BCAT1: variants seen among roughly 807,000 people sequenced by gnomAD.
BCAT1 encodes branched-chain-amino-acid aminotransferase, cytosolic.
In BCAT1, 48 loss-of-function variants were observed where a neutral mutation model predicts 52.4. That is an observed-to-expected ratio of 0.92 (90% CI 0.73 to 1.16). BCAT1 has a LOEUF of 1.16. Ranked by LOEUF, BCAT1 falls within the 50% of genes most tolerant of loss-of-function variation. The pLI, the probability that BCAT1 is intolerant of heterozygous loss-of-function variation, is 0.00. For missense variants in BCAT1, 451 were observed against 457.1 expected (o/e 0.99, Z 0.12); for synonymous variants, 167 against 161.3 (o/e 1.04, Z -0.27).
At chr12:24,878,812 T>C (rs1007972401) in intron 4 of BCAT1, among the ~76,000 whole-genome samples, 163 bp from the exon 5 acceptor site, 10 of 152,244 alleles carry the variant, frequency 6.6e-5, no homozygotes, top group African/African-American at 2.4e-4. Context: ...CTAATTTTTA[T>C]TTATTTCTTT....
At chr12:24,882,767 T>C (rs1942539865) in intron 3 of BCAT1, among the ~76,000 whole-genome samples, 1 of 151,854 alleles carries the variant, frequency 6.6e-6, no homozygotes, top group African/African-American at 2.4e-5. Flanking sequence ...CCCAAGTTAA[T>C]TTTTTGTATT....
chr12:24,815,362 A>G lies in BCAT1; in HGVS notation c.*2646T>C, dbSNP rs1939839558. The stretch of plus-strand genomic sequence containing the variant: ...ATTAAACATTAAATAATTGCAGCCA[A>G]TTATGCAAATATCAGCAACAATATT... On this transcript the variant is annotated 3_prime_UTR_variant, in exon 11 of 11. Coordinates refer to ENST00000261192, the MANE Select transcript of BCAT1 (RefSeq NM_005504.7). The G allele has an allele frequency of 6.6e-6, 1 of 152,646 alleles. No individual in the cohort carries two copies. Among genetic ancestry groups the G allele is most frequent in the Admixed American group, 6.5e-5 (1 of 15,272 alleles). 9.5% of individuals were successfully genotyped at this position (152,646 alleles called of 1,614,324 possible). A position where few individuals can be genotyped will look rare whatever the true frequency, so the allele number is the denominator to read the frequency against.
intron 10 of BCAT1, among the ~76,000 whole-genome samples, chr12:24,818,944 G>A (rs1292986945): frequency 1.3e-5 from 2 of 152,046 alleles, no homozygotes; most frequent in African/African-American, 2.4e-5. Flanking sequence ...AATTAATGTA[G>A]GCCAATGTCA....
At chr12:24,819,356 T>C (rs10771127) in intron 10 of BCAT1, among the ~76,000 whole-genome samples, 111,588 of 152,126 alleles carry the variant, frequency 0.73, 41,035 homozygotes, top group East Asian at 0.87. Flanking sequence ...ATATAAAACA[T>C]CAGAATTTCT....
At chr12:24,826,902 T>G (rs1261011006) in intron 10 of BCAT1, among the ~76,000 whole-genome samples, 1 of 152,224 alleles carries the variant, frequency 6.6e-6, no homozygotes, top group Non-Finnish European at 1.5e-5. Flanking sequence ...GTGGCTATTA[T>G]AAATGGGATT....
chr12:24,863,678 C>A (rs1941917636), intron 5 of BCAT1, among the ~76,000 whole-genome samples: 1 of 152,182 alleles, frequency 6.6e-6, no homozygotes, highest in Non-Finnish European at 1.5e-5. Flanking sequence ...ACCTTTAATT[C>A]CAGCACTTTG....
chr12:24,925,744 C>T (rs1943568531), intron 1 of BCAT1, among the ~76,000 whole-genome samples: 1 of 152,214 alleles, frequency 6.6e-6, no homozygotes, highest in Non-Finnish European at 1.5e-5. Flanking sequence ...CGCGCGCCAC[C>T]ATGCCTGACT....
intron 7 of BCAT1, 124 bp from the exon 8 acceptor site, chr12:24,836,720 T>C (rs1195866714): frequency 6.8e-6 from 5 of 739,062 alleles, no homozygotes; most frequent in Middle Eastern, 2.7e-4. Context: ...AAAATTTTAC[T>C]GTTCTGCATG....
At chr12:24,818,157 T>C in intron 10 of BCAT1, 108 bp from the exon 11 acceptor site, 1 of 1,066,708 alleles carries the variant, frequency 9.4e-7, no homozygotes, top group African/African-American at 1.6e-5. Context: ...TCGCTTCTGC[T>C]TTGAACAACA....
At chr12:24,934,066 C>T (rs558380350) in intron 1 of BCAT1, among the ~76,000 whole-genome samples, 48 of 152,266 alleles carry the variant, frequency 3.2e-4, no homozygotes, top group African/African-American at 1.1e-3. Flanking sequence ...TAGTTTCTGC[C>T]GGCATTCACC....
chr12:24,835,904 A>C (rs1940901929), intron 8 of BCAT1, among the ~76,000 whole-genome samples: 1 of 152,152 alleles, frequency 6.6e-6, no homozygotes, highest in East Asian at 1.9e-4. Flanking sequence ...CAAATTGTTT[A>C]ATATGCTTGC....
intron 3 of BCAT1, among the ~76,000 whole-genome samples, chr12:24,890,777 C>T (rs1246703622): frequency 2.6e-5 from 4 of 152,314 alleles, no homozygotes; most frequent in South Asian, 2.1e-4. Context: ...CAGCAGCCCT[C>T]GGAGCTCCTC....
chr12:24,828,795 C>T (rs1434813669), intron 10 of BCAT1, among the ~76,000 whole-genome samples: 1 of 152,058 alleles, frequency 6.6e-6, no homozygotes, highest in Non-Finnish European at 1.5e-5. Context: ...CACCTGAGGT[C>T]AAGAGTTCAA....
At chr12:24,936,636 C>T (rs1191037181) in intron 1 of BCAT1, among the ~76,000 whole-genome samples, 1 of 152,110 alleles carries the variant, frequency 6.6e-6, no homozygotes, top group Non-Finnish European at 1.5e-5. Flanking sequence ...CTTGGCTTCT[C>T]CAGCTTCTAC....
intron 5 of BCAT1, among the ~76,000 whole-genome samples, chr12:24,862,816 A>G (rs1941884449): frequency 6.8e-6 from 1 of 147,102 alleles, no homozygotes; most frequent in South Asian, 2.1e-4. Context: ...AATTATTTTC[A>G]TTTGTAAAAA....
At chr12:24,936,868 C>G (rs1287314516) in intron 1 of BCAT1, among the ~76,000 whole-genome samples, 2 of 152,036 alleles carry the variant, frequency 1.3e-5, no homozygotes, top group Non-Finnish European at 2.9e-5. Flanking sequence ...TTTAGATAAT[C>G]AAGGATAATC....
intron 5 of BCAT1, among the ~76,000 whole-genome samples, chr12:24,866,830 A>G (rs1942032693): frequency 6.6e-6 from 1 of 152,138 alleles, no homozygotes. Flanking sequence ...AAAATGGACC[A>G]ATCAGCAGGA....
At chr12:24,936,240 ATTCTT>A (rs1413393406) in intron 1 of BCAT1, among the ~76,000 whole-genome samples, 1 of 152,136 alleles carries the variant, frequency 6.6e-6, no homozygotes, top group Non-Finnish European at 1.5e-5. Context: ...ATACAAAATT[ATTCTT>A]TTTTTCTGAC....
intron 1 of BCAT1, among the ~76,000 whole-genome samples, chr12:24,937,118 A>G (rs537931355): frequency 2.0e-4 from 31 of 152,302 alleles, no homozygotes; most frequent in African/African-American, 7.5e-4. Context: ...ATCAATCCCA[A>G]AGTCATACAA....
Sources: gnomAD v4.1 joint callset for allele counts (sites outside exome capture counted in the v4.1 genomes callset) on GRCh38, gnomAD v4.1.1 for gene constraint, MANE v1.5 for transcripts, NCBI Gene and HGNC (gene_info 2026-07-23, HGNC 2026-07-21) for gene names.